The following XDH variants were observed in gnomAD, a reference collection of about 807,000 sequenced individuals.
The protein encoded by XDH is xanthine dehydrogenase, also known as xanthine dehydrogenase/oxidase.
In XDH, 138 loss-of-function variants were observed where a neutral mutation model predicts 156.1. The ratio of observed to expected loss-of-function variants is 0.88; its 90% CI spans 0.77 to 1.02. XDH has a LOEUF of 1.02. XDH is among the 50% of genes least tolerant of loss of function. The pLI is 0.00. For missense variants in XDH, 1,849 were observed against 1,684.9 expected, an observed-to-expected ratio of 1.10 and a Z score of -1.71; for synonymous variants, 669 against 625.7, an observed-to-expected ratio of 1.07 and a Z score of -1.03.
At chr2:31,352,551 A>T (rs1244659578) in intron 24 of XDH, among the ~76,000 whole-genome samples, 1 of 152,140 alleles carries the variant, frequency 6.6e-6, no homozygotes, top group African/African-American at 2.4e-5. Flanking sequence ...TTCCCCTGCC[A>T]TATTGTGAAT....
rs1686443264 is a variant in XDH, at chr2:31,381,800, T to C, written c.1039-74A>G. Reference sequence around the variant, plus strand: ...TGCTCACGTAGCAGGCTCCTGAACATACCAGCCAGGTGACACCTGCTGCAG... The same window carrying C: ...TGCTCACGTAGCAGGCTCCTGAACACACCAGCCAGGTGACACCTGCTGCAG... On this transcript the variant is annotated intron_variant, in intron 11 of 35. Transcript: ENST00000379416. The C allele has an allele frequency of 1.0e-5, 14 of 1,400,964 alleles. No homozygotes were observed. In the South Asian group the frequency reaches 1.6e-4, roughly 16 times the overall value. 86.8% of individuals were successfully genotyped at this position (1,400,964 alleles called of 1,614,324 possible). A position where few individuals can be genotyped will look rare whatever the true frequency, so the allele number is the denominator to read the frequency against.
intron 24 of XDH, among the ~76,000 whole-genome samples, chr2:31,361,704 G>A (rs1482151519): frequency 6.6e-6 from 1 of 152,144 alleles, no homozygotes; most frequent in African/African-American, 2.4e-5. Context: ...GCTTAATGAG[G>A]AAATTTACTT....
chr2:31,353,372 T>C (rs868105380), intron 24 of XDH, among the ~76,000 whole-genome samples: 8 of 152,212 alleles, frequency 5.3e-5, no homozygotes, highest in African/African-American at 1.9e-4. Flanking sequence ...AAACTCAACA[T>C]TGAAGTATAT....
chr2:31,413,870 G>T (rs775928555), intron 1 of XDH, among the ~76,000 whole-genome samples: 1 of 152,114 alleles, frequency 6.6e-6, no homozygotes, highest in Non-Finnish European at 1.5e-5. Context: ...TAATATGCTT[G>T]CCCCCTCTCT....
chr2:31,338,989 T>G (rs1174633925), intron 34 of XDH, among the ~76,000 whole-genome samples: 4 of 151,962 alleles, frequency 2.6e-5, no homozygotes, highest in Non-Finnish European at 5.9e-5. Flanking sequence ...CCTCCCAAAG[T>G]GCTAGGATTA....
chr2:31,382,978 G>A lies in XDH; in HGVS notation c.1038+23C>T, dbSNP rs200731568. ...ATGAAAGCTCCATCCTACGGGCCTC[G>A]CTTGCTTCTGAGAGCGACTCACCGC... is the stretch of plus-strand genomic sequence containing the variant. On this transcript the variant is annotated intron_variant, in intron 11 of 35. Transcript: ENST00000379416. The A allele has an allele frequency of 2.1e-5, 34 of 1,613,972 alleles. 1 individual carries two copies. In the Admixed American group the frequency reaches 4.2e-4, roughly 20 times the overall value.
intron 24 of XDH, among the ~76,000 whole-genome samples, chr2:31,361,593 T>A (rs1685781811): frequency 1.3e-5 from 2 of 152,140 alleles, no homozygotes; most frequent in South Asian, 4.1e-4. Flanking sequence ...CAAGCACCAA[T>A]AATGGAGGCT....
intron 1 of XDH, among the ~76,000 whole-genome samples, chr2:31,413,799 T>C (rs1441666829): frequency 6.6e-6 from 1 of 152,110 alleles, no homozygotes; most frequent in Non-Finnish European, 1.5e-5. Context: ...AAGTGGGAAG[T>C]TGAACAGGTA....
At chr2:31,380,657 A>ATTGGACCTGGTTCCTCCAGACT in intron 12 of XDH, among the ~76,000 whole-genome samples, 1 of 152,340 alleles carries the variant, frequency 6.6e-6, no homozygotes, top group Non-Finnish European at 1.5e-5. Context: ...TCTCTGGAAG[A>ATTGGACCTGGTTCCTCCAGACT]TTGGACCTGG....
In XDH at chr2:31,348,880, A is replaced by T; in HGVS notation, c.3051+19T>A. 6.2e-7 allele frequency: 1 copy of T among 1,607,136 alleles called. No individual in the cohort carries two copies. The highest frequency in any genetic ancestry group is 8.5e-7 in the Non-Finnish European group (1 of 1,173,568). ...GTCCCAGTCCAGCGGAGATGGACAC[A>T]ATTCTATAAAGCAATTACCTGATTC... On this transcript the variant is annotated intron_variant, in intron 27 of 35. Coordinates refer to ENST00000379416, the MANE Select transcript of XDH (RefSeq NM_000379.4).
chr2:31,391,037 TA>T (rs1207133342), intron 6 of XDH, among the ~76,000 whole-genome samples: 19 of 152,220 alleles, frequency 1.2e-4, no homozygotes, highest in East Asian at 5.8e-4. Context: ...GTGTTGCATC[TA>T]AAAAGTCATC....
intron 23 of XDH, among the ~76,000 whole-genome samples, 177 bp from the exon 24 acceptor site, chr2:31,364,421 G>C (rs1685855037): frequency 6.6e-6 from 1 of 152,064 alleles, no homozygotes; most frequent in African/African-American, 2.4e-5. Flanking sequence ...GTGAAGAAGA[G>C]AGGAACTGAC....
intron 9 of XDH, chr2:31,384,145 T>TGTGTGTGC: frequency 7.7e-6 from 3 of 391,798 alleles, no homozygotes; most frequent in Non-Finnish European, 1.5e-5. Context: ...TGTGTGTGTG[T>TGTGTGTGC]GTGTGTGTGT....
intron 21 of XDH, among the ~76,000 whole-genome samples, chr2:31,366,483 C>T (rs1475343227): frequency 2.0e-5 from 3 of 152,110 alleles, no homozygotes; most frequent in Non-Finnish European, 2.9e-5. Context: ...TTTAGTGGTC[C>T]CTGTGGCTAT....
chr2:31,375,022 TC>T (rs373418659), intron 15 of XDH, among the ~76,000 whole-genome samples: 1,039 of 90,846 alleles, frequency 0.011, 24 homozygotes, highest in African/African-American at 0.046. Context: ...TTTCTTTCTT[TC>T]TTTTTTTTTT....
At chr2:31,368,107 A>G in intron 19 of XDH, 50 bp from the exon 20 acceptor site, 3 of 1,539,680 alleles carry the variant, frequency 1.9e-6, no homozygotes, top group Non-Finnish European at 2.7e-6. Context: ...CAGGGAGGGA[A>G]AGATAGGTTC....
Position 31,335,868 on chromosome 2 carries a change from A to C in XDH, c.*90T>G. ...CAAATCACAGGTCTGTCATTCTGTG[A>C]CTTTAATAGATCCATGTTCTGTGGT... On this transcript the variant is annotated 3_prime_UTR_variant, in exon 36 of 36. Coordinates refer to ENST00000379416, the MANE Select transcript of XDH (RefSeq NM_000379.4). The C allele has an allele frequency of 7.0e-7, 1 of 1,438,152 alleles. No individual in the cohort carries two copies. The highest frequency in any genetic ancestry group is 9.8e-7 in the Non-Finnish European group (1 of 1,020,012). 89.1% of individuals were successfully genotyped at this position (1,438,152 alleles called of 1,614,324 possible). A position where few individuals can be genotyped will look rare whatever the true frequency, so the allele number is the denominator to read the frequency against.
At chr2:31,397,841 C>T in intron 5 of XDH, 112 bp from the exon 6 acceptor site, 1 of 1,207,042 alleles carries the variant, frequency 8.3e-7, no homozygotes, top group Non-Finnish European at 1.2e-6. Flanking sequence ...GCTGCATATT[C>T]TGTTACCTCT....
At chr2:31,404,052 C>T (rs1687131181) in intron 2 of XDH, among the ~76,000 whole-genome samples, 1 of 151,774 alleles carries the variant, frequency 6.6e-6, no homozygotes, top group Admixed American at 6.6e-5. Context: ...ATTTGGTTAG[C>T]AGGTAGGAAA....
Sources: allele counts gnomAD v4.1 joint callset (sites outside exome capture counted in the v4.1 genomes callset), GRCh38; gene constraint gnomAD v4.1.1; transcripts MANE v1.5; gene names NCBI Gene and HGNC (gene_info 2026-07-23, HGNC 2026-07-21).